The following ANKIB1 variants were observed in gnomAD, a reference collection of about 807,000 sequenced individuals.
The protein encoded by ANKIB1 is ankyrin repeat and IBR domain containing 1.
Under a neutral mutation model 122.1 loss-of-function variants are expected in ANKIB1, and 43 were observed. The observed-to-expected ratio is 0.35, with a 90% CI of 0.28 to 0.45. The LOEUF (loss-of-function observed/expected upper bound fraction) is 0.45, where lower values mean the gene tolerates loss of function less well. Ranked by LOEUF, ANKIB1 falls within the 20% of genes least tolerant of loss-of-function variation. The pLI is 1.00. For synonymous variants in ANKIB1, 390 were observed against 442.0 expected (o/e 0.88, Z 1.48); for missense variants, 992 against 1,329.5 (o/e 0.75, Z 3.95).
intron 9 of ANKIB1, among the ~76,000 whole-genome samples, chr7:92,353,079 C>G (rs1803699674): frequency 6.6e-6 from 1 of 152,190 alleles, no homozygotes; most frequent in African/African-American, 2.4e-5. Context: ...ATATAAGCCT[C>G]TAGCAGTGAT....
At chr7:92,394,631 T>C (rs1049813350) in intron 17 of ANKIB1, among the ~76,000 whole-genome samples, 1 of 152,186 alleles carries the variant, frequency 6.6e-6, no homozygotes, top group Admixed American at 6.5e-5. Flanking sequence ...TGAATTGAGA[T>C]AAAATTTTCA....
chr7:92,292,302 A>G (rs780594792), intron 1 of ANKIB1, among the ~76,000 whole-genome samples: 1 of 152,230 alleles, frequency 6.6e-6, no homozygotes, highest in Admixed American at 6.5e-5. Context: ...AAGCCACAAA[A>G]TGACTTCTCA....
At chr7:92,323,478 TC>T (rs1332201679) in intron 4 of ANKIB1, among the ~76,000 whole-genome samples, 1 of 151,842 alleles carries the variant, frequency 6.6e-6, no homozygotes, top group African/African-American at 2.4e-5. Context: ...TAACTTTTTT[TC>T]CTTTTTGTCT....
intron 11 of ANKIB1, among the ~76,000 whole-genome samples, chr7:92,381,393 C>T (rs1804511242): frequency 6.6e-6 from 1 of 152,078 alleles, no homozygotes; most frequent in Non-Finnish European, 1.5e-5. Context: ...ACAGAGAACA[C>T]CACAAAGATA....
At chr7:92,396,629 G>T (rs1057225566) in intron 18 of ANKIB1, among the ~76,000 whole-genome samples, 153 bp downstream of exon 18, 2 of 152,168 alleles carry the variant, frequency 1.3e-5, no homozygotes, top group Non-Finnish European at 2.9e-5. Context: ...GAAAATCAGA[G>T]GAGTTAGGAG....
intron 1 of ANKIB1, among the ~76,000 whole-genome samples, chr7:92,257,850 T>C (rs1801481789): frequency 6.6e-6 from 1 of 152,172 alleles, no homozygotes; most frequent in African/African-American, 2.4e-5. Context: ...ATTCTAACTC[T>C]TAAATCTGTT....
chr7:92,393,141 T>G (rs1000487526), intron 17 of ANKIB1, among the ~76,000 whole-genome samples: 6 of 152,082 alleles, frequency 3.9e-5, no homozygotes, highest in African/African-American at 1.4e-4. Context: ...TACCTGCAAC[T>G]GAAAGACAAT....
chr7:92,285,966 C>CT (rs1244728080), intron 1 of ANKIB1, among the ~76,000 whole-genome samples: 4 of 152,148 alleles, frequency 2.6e-5, no homozygotes, highest in Non-Finnish European at 2.9e-5. Flanking sequence ...CTAAGTTTGC[C>CT]TTTATCCTGT....
intron 2 of ANKIB1, among the ~76,000 whole-genome samples, chr7:92,304,042 T>A (rs1032112967): frequency 1.8e-4 from 28 of 152,160 alleles, no homozygotes; most frequent in African/African-American, 6.3e-4. Context: ...CCTATCCCTG[T>A]TCCAGAATTA....
chr7:92,322,898 T>G (rs1802943248), intron 4 of ANKIB1, among the ~76,000 whole-genome samples: 1 of 152,226 alleles, frequency 6.6e-6, no homozygotes, highest in South Asian at 2.1e-4. Flanking sequence ...GCTGACTTAC[T>G]ATGTGACCTT....
chr7:92,263,800 T>C (rs1440909542), intron 1 of ANKIB1, among the ~76,000 whole-genome samples: 1 of 152,202 alleles, frequency 6.6e-6, no homozygotes, highest in Non-Finnish European at 1.5e-5. Context: ...CACTGTTGCT[T>C]ATGGGTATAA....
intron 1 of ANKIB1, among the ~76,000 whole-genome samples, chr7:92,282,929 C>T (rs116794731): frequency 2.2e-3 from 333 of 152,284 alleles, no homozygotes; most frequent in African/African-American, 7.7e-3. Context: ...CGACAGTTTT[C>T]TGCTTGTAGA....
chr7:92,350,868 G>A (rs1262163713), intron 7 of ANKIB1, 82 bp from the exon 8 acceptor site: 7 of 1,346,068 alleles, frequency 5.2e-6, no homozygotes, highest in Non-Finnish European at 6.9e-6. Context: ...AAAAAAAAAA[G>A]GAAAGAAAAA....
intron 1 of ANKIB1, among the ~76,000 whole-genome samples, chr7:92,292,295 C>A (rs1802265613): frequency 6.6e-6 from 1 of 152,104 alleles, no homozygotes; most frequent in African/African-American, 2.4e-5. Context: ...TAACTGAAAG[C>A]CACAAAATGA....
intron 1 of ANKIB1, among the ~76,000 whole-genome samples, chr7:92,284,527 C>T (rs1802077040): frequency 6.6e-6 from 1 of 152,066 alleles, no homozygotes. Flanking sequence ...AACTAGTTTG[C>T]CAGTGTTTGA....
At chr7:92,258,485 G>A (rs1399040801) in intron 1 of ANKIB1, among the ~76,000 whole-genome samples, 3 of 152,128 alleles carry the variant, frequency 2.0e-5, no homozygotes, top group Non-Finnish European at 2.9e-5. Context: ...TTTCTAACAA[G>A]TTCCCAAGTG....
intron 10 of ANKIB1, among the ~76,000 whole-genome samples, chr7:92,368,910 G>GA (rs1804166066): frequency 6.6e-6 from 1 of 152,146 alleles, no homozygotes. Context: ...AAGGGTGGAA[G>GA]AAAAAACTGT....
intron 9 of ANKIB1, among the ~76,000 whole-genome samples, chr7:92,358,510 T>C (rs1301567881): frequency 6.6e-6 from 1 of 150,678 alleles, no homozygotes; most frequent in Non-Finnish European, 1.5e-5. Context: ...AGCACATTGA[T>C]AAGCAATTAC....
chr7:92,371,950 G>GGTGT (rs55936298), intron 11 of ANKIB1, among the ~76,000 whole-genome samples: 3,597 of 118,046 alleles, frequency 0.03, 78 homozygotes, highest in East Asian at 0.057. Context: ...TTGAGAGAGG[G>GGTGT]GTGTGTGTGT....
Sources: gnomAD v4.1 joint callset for allele counts (sites outside exome capture counted in the v4.1 genomes callset) on GRCh38, gnomAD v4.1.1 for gene constraint, MANE v1.5 for transcripts, NCBI Gene and HGNC (gene_info 2026-07-23, HGNC 2026-07-21) for gene names.